The following PROS1 variants were observed in gnomAD, a reference collection of about 807,000 sequenced individuals.
The protein encoded by PROS1 is protein S, also known as vitamin K-dependent protein S.
In PROS1, 29 loss-of-function variants were observed where a neutral mutation model predicts 75.9. That is an observed-to-expected ratio of 0.38 (90% CI 0.28 to 0.52). PROS1 has a LOEUF of 0.52. Among genes scored for constraint, PROS1 ranks in the 20% least tolerant of loss-of-function variants. The pLI is 0.83. For missense variants in PROS1, 680 were observed against 810.3 expected (o/e 0.84, Z 1.95); for synonymous variants, 245 against 280.6 (o/e 0.87, Z 1.27).
intron 9 of PROS1, among the ~76,000 whole-genome samples, chr3:93,894,099 G>C (rs1423769804): frequency 2.0e-5 from 3 of 151,988 alleles, no homozygotes; most frequent in African/African-American, 7.2e-5. Flanking sequence ...TAAAATAAAG[G>C]CAATTTAAGT....
chr3:93,918,377 G>T (rs574378219), intron 3 of PROS1, among the ~76,000 whole-genome samples: 134 of 152,100 alleles, frequency 8.8e-4, no homozygotes, highest in African/African-American at 3.2e-3. Context: ...CAACCCACTG[G>T]GTCCCCTTCC....
At position 93,884,259 on chromosome 3, in the gene PROS1, C is replaced by T. The variant is rs1184671833; in HGVS notation, c.1492+469G>A. The stretch of plus-strand genomic sequence containing the variant: ...CTCAGATATGACACAGTTGGAACTA[C>T]GAGACAGGGAATTTAAAATAATTAT... On this transcript the variant is annotated intron_variant, in intron 12 of 14. Transcript: ENST00000394236. Among the ~76,000 whole-genome samples, 4 of 152,058 alleles carry T rather than the reference C, an allele frequency of 2.6e-5. 1 individual carries two copies. The highest frequency in any genetic ancestry group is 1.9e-4 in the East Asian group (1 of 5,190).
intron 1 of PROS1, among the ~76,000 whole-genome samples, chr3:93,947,553 G>A (rs1419378726): frequency 6.6e-6 from 1 of 152,038 alleles, no homozygotes; most frequent in South Asian, 2.1e-4. Context: ...AGCCGATAAA[G>A]CAACTAGAAA....
At chr3:93,881,994 A>C (rs1410243237) in intron 12 of PROS1, among the ~76,000 whole-genome samples, 1 of 152,200 alleles carries the variant, frequency 6.6e-6, no homozygotes, top group Non-Finnish European at 1.5e-5. Flanking sequence ...AAAAAAGAAA[A>C]AGACAAAGAA....
At position 93,973,636 on chromosome 3, in the gene PROS1, T is replaced by C; in HGVS notation, c.76+38A>G. ...CCAGGGCACGCAGTTCAGTCGACAATGCTGGGGAAGGGAGAAGAGACGCTA... is the reference window on the plus strand; with the variant it reads ...CCAGGGCACGCAGTTCAGTCGACAACGCTGGGGAAGGGAGAAGAGACGCTA... On this transcript the variant is annotated intron_variant, in intron 1 of 14. Coordinates refer to ENST00000394236, the MANE Select transcript of PROS1 (RefSeq NM_000313.4). 9 of 1,603,722 alleles carry C rather than the reference T, an allele frequency of 5.6e-6. No individual in the cohort carries two copies. The Middle Eastern group carries it at 5.0e-4, about 88-fold the overall frequency.
chr3:93,920,308 A>C (rs1708928157), intron 3 of PROS1, among the ~76,000 whole-genome samples: 2 of 152,184 alleles, frequency 1.3e-5, no homozygotes, highest in Admixed American at 6.5e-5. Flanking sequence ...CACTCAATTC[A>C]AGATCATGAA....
intron 10 of PROS1, among the ~76,000 whole-genome samples, chr3:93,891,455 T>G (rs965610685): frequency 6.6e-6 from 1 of 152,108 alleles, no homozygotes; most frequent in Non-Finnish European, 1.5e-5. Flanking sequence ...TTTGAGACAG[T>G]CTTGCTTTGT....
chr3:93,953,681 C>G (rs559990904), intron 1 of PROS1, among the ~76,000 whole-genome samples: 1 of 152,238 alleles, frequency 6.6e-6, no homozygotes, highest in Admixed American at 6.5e-5. Flanking sequence ...CCGGGATGCC[C>G]TCTCTCACCA....
At chr3:93,945,666 A>G (rs1292572758) in intron 1 of PROS1, among the ~76,000 whole-genome samples, 1 of 152,204 alleles carries the variant, frequency 6.6e-6, no homozygotes, top group African/African-American at 2.4e-5. Flanking sequence ...ATCTCAAAAT[A>G]ATAAGAGCTA....
At chr3:93,904,930 G>C (rs953865382) in intron 6 of PROS1, among the ~76,000 whole-genome samples, 14 of 152,088 alleles carry the variant, frequency 9.2e-5, no homozygotes, top group African/African-American at 3.4e-4. Flanking sequence ...AGAAGAAAAA[G>C]GAGTTATGAC....
intron 1 of PROS1, among the ~76,000 whole-genome samples, chr3:93,928,283 A>T (rs1445581634): frequency 1.3e-5 from 2 of 150,880 alleles, no homozygotes; most frequent in African/African-American, 4.9e-5. Context: ...GTGAGCTGTG[A>T]TCATACCACT....
intron 1 of PROS1, among the ~76,000 whole-genome samples, chr3:93,941,676 T>C (rs570304746): frequency 1.3e-5 from 2 of 152,252 alleles, no homozygotes; most frequent in South Asian, 4.1e-4. Context: ...GGCTGTGCAG[T>C]TGGAATTCTT....
intron 1 of PROS1, among the ~76,000 whole-genome samples, chr3:93,933,042 G>C (rs990317342): frequency 6.6e-6 from 1 of 152,028 alleles, no homozygotes; most frequent in Non-Finnish European, 1.5e-5. Flanking sequence ...TTTTCCCTAG[G>C]CTCTTCTTAT....
intron 1 of PROS1, among the ~76,000 whole-genome samples, chr3:93,937,346 T>C (rs559404430): frequency 6.7e-6 from 1 of 150,064 alleles, no homozygotes; most frequent in Non-Finnish European, 1.5e-5. Context: ...ATGGATAACA[T>C]TGGTTTCTAA....
At chr3:93,891,570 T>G (rs1163029830) in intron 10 of PROS1, among the ~76,000 whole-genome samples, 1 of 151,990 alleles carries the variant, frequency 6.6e-6, no homozygotes, top group Admixed American at 6.6e-5. Flanking sequence ...CCACCAAGCC[T>G]GACTAATTTT....
chr3:93,949,708 C>T (rs1267934627), intron 1 of PROS1, among the ~76,000 whole-genome samples: 1 of 152,146 alleles, frequency 6.6e-6, no homozygotes, highest in Middle Eastern at 3.4e-3. Context: ...TTGAAAGAAA[C>T]GAGAAAGGAG....
chr3:93,900,266 T>C (rs1708571504), intron 7 of PROS1, among the ~76,000 whole-genome samples: 1 of 152,260 alleles, frequency 6.6e-6, no homozygotes, highest in South Asian at 2.1e-4. Context: ...TACCGATCAG[T>C]ATTTCTTAAA....
intron 1 of PROS1, among the ~76,000 whole-genome samples, chr3:93,957,010 AAT>A (rs557352098): frequency 2.0e-5 from 3 of 151,970 alleles, no homozygotes; most frequent in South Asian, 2.1e-4. Flanking sequence ...AATAAACATG[AAT>A]ATATATATAT....
At chr3:93,923,163 G>A (rs1289652491) in intron 3 of PROS1, among the ~76,000 whole-genome samples, 1 of 152,166 alleles carries the variant, frequency 6.6e-6, no homozygotes, top group African/African-American at 2.4e-5. Flanking sequence ...TGCCAAATGA[G>A]ATAGGCAAAG....
Sources: allele counts gnomAD v4.1 joint callset (sites outside exome capture counted in the v4.1 genomes callset), GRCh38; gene constraint gnomAD v4.1.1; transcripts MANE v1.5; gene names NCBI Gene and HGNC (gene_info 2026-07-23, HGNC 2026-07-21).